Variants in MXD1 observed in about 807,000 individuals in gnomAD.
MXD1 encodes the protein MAX dimerization protein 1.
MXD1 carries 9 observed loss-of-function variants against 25.7 expected under a neutral mutation model. The ratio of observed to expected loss-of-function variants is 0.35; its 90% confidence interval spans 0.21 to 0.61. The LOEUF is 0.61. Among genes scored for constraint, MXD1 ranks in the 20% least tolerant of loss-of-function variants. The pLI, the probability that MXD1 is intolerant of heterozygous loss-of-function variation, is 0.75. For missense variants in MXD1, 227 were observed against 292.4 expected, an observed-to-expected ratio of 0.78 and a Z score of 1.63; for synonymous variants, 99 against 113.9, an observed-to-expected ratio of 0.87 and a Z score of 0.83.
At chr2:69,921,850 A>C in intron 3 of MXD1, 85 bp downstream of exon 3, 1 of 1,310,662 alleles carries the variant, frequency 7.6e-7, no homozygotes. Context: ...GCTCTTTTTG[A>C]CTCTTCCCAC....
chr2:69,931,094 G>T (rs542519706), intron 3 of MXD1, among the ~76,000 whole-genome samples: 23 of 152,278 alleles, frequency 1.5e-4, no homozygotes, highest in South Asian at 1.5e-3. Flanking sequence ...TACATGAGGT[G>T]TTTGATACAG....
At chr2:69,923,147 A>G (rs978867375) in intron 3 of MXD1, among the ~76,000 whole-genome samples, 1 of 152,152 alleles carries the variant, frequency 6.6e-6, no homozygotes, top group Non-Finnish European at 1.5e-5. Context: ...GGAGCTTTTA[A>G]AAGCCAACAA....
rs1393973217 is a variant in MXD1 at position 69,938,345 on chromosome 2, G to T, written c.*61G>T. ...TCCCTGTTGGTTCTGATTAGGTAACGTATTGGACCTGCCCACAACTCCCTT... is the reference window on the plus strand; with the variant it reads ...TCCCTGTTGGTTCTGATTAGGTAACTTATTGGACCTGCCCACAACTCCCTT... On this transcript the variant is annotated 3_prime_UTR_variant, in exon 6 of 6. Coordinates refer to ENST00000264444, the MANE Select transcript of MXD1 (RefSeq NM_002357.4). The T allele has an allele frequency of 1.3e-6, 2 of 1,540,714 alleles. No individual in the cohort carries two copies. Among genetic ancestry groups the T allele is most frequent in the African/African-American group, 1.4e-5 (1 of 73,354 alleles).
rs903732052 is a variant in MXD1 at position 69,922,678 on chromosome 2, G to A, written c.203+913G>A. The stretch of plus-strand genomic sequence containing the variant: ...GTGGATCACCTGAGGTCAGGAGTTC[G>A]AGACCAGCCTGGCCAACATGGCAAA... On this transcript the variant is annotated intron_variant, in intron 3 of 5. Transcript: ENST00000264444. 2.6e-5 allele frequency among the ~76,000 whole-genome samples: 4 copies of A among 152,112 alleles called. No individual in the cohort carries two copies. In the South Asian group the frequency reaches 8.3e-4, roughly 32 times the overall value.
intron 3 of MXD1, among the ~76,000 whole-genome samples, chr2:69,934,674 T>TA (rs1156892527): frequency 6.6e-6 from 1 of 152,246 alleles, no homozygotes; most frequent in Non-Finnish European, 1.5e-5. Context: ...CCTCCATCTT[T>TA]AAGATAGCAT....
At chr2:69,932,271 T>G (rs1446690107) in intron 3 of MXD1, among the ~76,000 whole-genome samples, 1 of 152,098 alleles carries the variant, frequency 6.6e-6, no homozygotes, top group East Asian at 1.9e-4. Flanking sequence ...AGAGCTTTGG[T>G]AGGAGCTGTA....
intron 2 of MXD1, among the ~76,000 whole-genome samples, chr2:69,920,523 C>G (rs1299984001): frequency 6.6e-6 from 1 of 152,098 alleles, no homozygotes; most frequent in African/African-American, 2.4e-5. Context: ...CATTCACTCT[C>G]CTTACCCCCA....
At chr2:69,935,667 ACT>A (rs1677414675) in intron 4 of MXD1, among the ~76,000 whole-genome samples, 1 of 150,932 alleles carries the variant, frequency 6.6e-6, no homozygotes, top group African/African-American at 2.4e-5. Flanking sequence ...GGTCCATCCA[ACT>A]CTCCATCCAG....
chr2:69,926,021 ACT>A (rs774609198), intron 3 of MXD1, among the ~76,000 whole-genome samples: 14 of 151,942 alleles, frequency 9.2e-5, no homozygotes, highest in Non-Finnish European at 1.8e-4. Context: ...TATGTCTTTG[ACT>A]CTGTGTGTCT....
At position 69,938,163 on chromosome 2, in the gene MXD1, G is replaced by A. The variant is rs759762880; in HGVS notation, c.545G>A (p.Ser182Asn). 5 of 1,614,248 alleles carry A rather than the reference G, an allele frequency of 3.1e-6. No homozygotes were observed. The South Asian group carries it at 4.4e-5, about 14-fold the overall frequency. The change falls in exon 6 of 6, where the codon AGT (serine) becomes AAT (asparagine). Residue 182 changes from serine to asparagine, a missense_variant. By Grantham distance (46) the Ser-to-Asn change is conservative. Transcript: ENST00000264444. The part of the protein sequence containing the change: ...LTGDLDWSSS[S>N]VSDSDERGSM... ...GGTGATCTGGACTGGAGCAGCAGCAGTGTGAGCGACTCTGACGAGCGGGGC... is the reference window on the plus strand; with the variant it reads ...GGTGATCTGGACTGGAGCAGCAGCAATGTGAGCGACTCTGACGAGCGGGGC...
Position 69,921,801 on chromosome 2 carries a change from C to G in MXD1, c.203+36C>G, listed in dbSNP as rs1366365353. The G allele has an allele frequency of 2.5e-6, 4 of 1,606,050 alleles. No homozygotes were observed. The East Asian group carries it at 9.0e-5, about 36-fold the overall frequency. On this transcript the variant is annotated intron_variant, in intron 3 of 5. Coordinates refer to ENST00000264444, the MANE Select transcript of MXD1 (RefSeq NM_002357.4). ...GATTTGGGAGGTGGAATGCGGGGAGCTTTGTTGCATTCTCTGTTCATGCAG... is the reference window on the plus strand; with the variant it reads ...GATTTGGGAGGTGGAATGCGGGGAGGTTTGTTGCATTCTCTGTTCATGCAG...
rs1019063198 is a variant in MXD1 at position 69,939,451 on chromosome 2, G to A, written c.*1167G>A. The A allele has an allele frequency of 2.0e-5, 3 of 152,544 alleles. No individual in the cohort carries two copies. The highest frequency in any genetic ancestry group is 2.9e-5 in the Non-Finnish European group (2 of 67,998). The allele number at this position is 152,544 out of a possible 1,614,324, so 9.4% of individuals were successfully genotyped here. A position where few individuals can be genotyped will look rare whatever the true frequency, so the allele number is the denominator to read the frequency against. ...CCCTTAAGTGGTCTCCGACTTTGTA[G>A]CATTTTTATTTAAGCTAAAACAGAG... is the stretch of plus-strand genomic sequence containing the variant. On this transcript the variant is annotated 3_prime_UTR_variant, in exon 6 of 6. Coordinates refer to ENST00000264444, the MANE Select transcript of MXD1 (RefSeq NM_002357.4).
chr2:69,928,267 C>T (rs969066838), intron 3 of MXD1, among the ~76,000 whole-genome samples: 2 of 152,000 alleles, frequency 1.3e-5, no homozygotes, highest in African/African-American at 2.4e-5. Flanking sequence ...ATGGTGAAAC[C>T]TCAGAGTTAA....
chr2:69,920,391 C>T (rs906228535), intron 2 of MXD1, among the ~76,000 whole-genome samples: 1 of 152,168 alleles, frequency 6.6e-6, no homozygotes, highest in Non-Finnish European at 1.5e-5. Context: ...GTCATTTTCT[C>T]ATTTATTTTT....
At chr2:69,928,703 CAA>C (rs35921399) in intron 3 of MXD1, among the ~76,000 whole-genome samples, 150 of 128,082 alleles carry the variant, frequency 1.2e-3, no homozygotes, top group Middle Eastern at 4.5e-3. Context: ...CCATCTGTAC[CAA>C]AAAAAAAAAA....
intron 2 of MXD1, among the ~76,000 whole-genome samples, chr2:69,921,153 C>T (rs906077794): frequency 3.3e-5 from 5 of 152,192 alleles, no homozygotes; most frequent in African/African-American, 1.2e-4. Flanking sequence ...AACCTATCAT[C>T]TTTATATTGA....
At position 69,938,317 on chromosome 2, in the gene MXD1, T is replaced by G; in HGVS notation, c.*33T>G. On this transcript the variant is annotated 3_prime_UTR_variant, in exon 6 of 6. Coordinates refer to ENST00000264444, the MANE Select transcript of MXD1 (RefSeq NM_002357.4). ...GGCACTGCGGCTGTCTCCTTGAAGG[T>G]TCTCCCTGTTGGTTCTGATTAGGTA... is the stretch of plus-strand genomic sequence containing the variant. 1 of 1,607,738 alleles carries G rather than the reference T, an allele frequency of 6.2e-7. No homozygotes were observed. The highest frequency in any genetic ancestry group is 8.5e-7 in the Non-Finnish European group (1 of 1,175,810).
In MXD1 at chr2:69,936,496, G is replaced by A. The variant is rs114810697; in HGVS notation, c.319-739G>A. Reference sequence around the variant, plus strand: ...GCCAAAATCCCTGTTTAGCATGTTTGTATAATCATATTATAGTTGGACAAA... The same window carrying A: ...GCCAAAATCCCTGTTTAGCATGTTTATATAATCATATTATAGTTGGACAAA... On this transcript the variant is annotated intron_variant, in intron 4 of 5. Coordinates refer to ENST00000264444, the MANE Select transcript of MXD1 (RefSeq NM_002357.4). Among the ~76,000 whole-genome samples, 419 of 152,272 alleles carry A rather than the reference G, an allele frequency of 2.8e-3. 1 individual carries two copies. Among genetic ancestry groups the A allele is most frequent in the African/African-American group, 9.6e-3 (399 of 41,562 alleles).
At chr2:69,922,307 C>A (rs1258004935) in intron 3 of MXD1, among the ~76,000 whole-genome samples, 1 of 152,176 alleles carries the variant, frequency 6.6e-6, no homozygotes, top group Non-Finnish European at 1.5e-5. Context: ...TGGGCTCCAT[C>A]TTGCCGCAGC....
Sources: gnomAD v4.1 joint callset for allele counts (sites outside exome capture counted in the v4.1 genomes callset) on GRCh38, gnomAD v4.1.1 for gene constraint, MANE v1.5 for transcripts, NCBI Gene and HGNC (gene_info 2026-07-23, HGNC 2026-07-21) for gene names.